The following TOR1A variants were observed in gnomAD, a reference collection of about 807,000 sequenced individuals.
The protein encoded by TOR1A is torsin-1A.
In TOR1A, 18 loss-of-function variants were observed where a neutral mutation model predicts 31.4. That is an observed-to-expected ratio of 0.57 (90% CI 0.40 to 0.85). TOR1A has a LOEUF of 0.85. TOR1A is among the 40% of genes least tolerant of loss of function. TOR1A has a pLI of 0.00. For missense variants in TOR1A, 375 were observed against 416.4 expected, an observed-to-expected ratio of 0.90 and a Z score of 0.87; for synonymous variants, 168 against 165.9, an observed-to-expected ratio of 1.01 and a Z score of -0.10.
In TOR1A at chr9:129,813,657, C is replaced by A; in HGVS notation, c.*315G>T. ...CACATTTTCAATAAAACTTATTCAT[C>A]CTTCCTTGAAACAGAAACACTTGGA... On this transcript the variant is annotated 3_prime_UTR_variant, in exon 5 of 5. Transcript: ENST00000351698. 1 of 451,510 alleles carries A rather than the reference C, an allele frequency of 2.2e-6. No homozygotes were observed. The highest frequency in any genetic ancestry group is 3.8e-5 in the Admixed American group (1 of 26,254). The allele number at this position is 451,510 out of a possible 1,614,324, so 28.0% of individuals were successfully genotyped here.
In TOR1A at chr9:129,824,072, C is replaced by T; in HGVS notation, c.14G>A (p.Arg5Gln). 1 of 1,590,054 alleles carries T rather than the reference C, an allele frequency of 6.3e-7. No individual in the cohort carries two copies. Among genetic ancestry groups the T allele is most frequent in the East Asian group, 2.3e-5 (1 of 43,988 alleles). The part of the protein sequence containing the change: MKLG[R>Q]AVLGLLLLAP... The stretch of plus-strand genomic sequence containing the variant: ...CAGCAGCAGCAGGCCCAGCACGGCC[C>T]GGCCCAGCTTCATGCCCGGACCCGC... The change falls in exon 1 of 5, where the codon CGG becomes CAG. Residue 5 changes from arginine to glutamine, a missense_variant. Transcript: ENST00000351698.
rs775203534 is a variant in TOR1A, at chr9:129,822,497, A to G, written c.444+84T>C. Reference sequence around the variant, plus strand: ...GTTTTCCGGGCTCACTCATTTCAACATAGAACTCCCAAATCTCATCCCACA... The same window carrying G: ...GTTTTCCGGGCTCACTCATTTCAACGTAGAACTCCCAAATCTCATCCCACA... On this transcript the variant is annotated intron_variant, in intron 2 of 4. Coordinates refer to ENST00000351698, the MANE Select transcript of TOR1A (RefSeq NM_000113.3). 1.5e-5 allele frequency: 24 copies of G among 1,575,822 alleles called. No homozygotes were observed. The African/African-American group carries it at 3.0e-4, about 19-fold the overall frequency.
Position 129,813,652 on chromosome 9 carries a change from T to C in TOR1A, c.*320A>G, listed in dbSNP as rs996098338. On this transcript the variant is annotated 3_prime_UTR_variant, in exon 5 of 5. Coordinates refer to ENST00000351698, the MANE Select transcript of TOR1A (RefSeq NM_000113.3). ...GTTACCACATTTTCAATAAAACTTA[T>C]TCATCCTTCCTTGAAACAGAAACAC... 5.2e-5 allele frequency: 23 copies of C among 445,042 alleles called. No homozygotes were observed. Among genetic ancestry groups the C allele is most frequent in the African/African-American group, 3.4e-4 (17 of 50,590 alleles). The allele number at this position is 445,042 out of a possible 1,614,324, so 27.6% of individuals were successfully genotyped here.
chr9:129,823,445 C>T (rs1025041653), intron 1 of TOR1A: 1 of 281,110 alleles, frequency 3.6e-6, no homozygotes, highest in South Asian at 3.5e-5. Context: ...CCAGGCCCGG[C>T]CCTCCTGGGA....
At chr9:129,814,324 G>A (rs879619611) in intron 4 of TOR1A, 102 bp from the exon 5 acceptor site, 43 of 1,564,096 alleles carry the variant, frequency 2.7e-5, no homozygotes, top group Middle Eastern at 2.3e-4. Context: ...TCCCACAAAC[G>A]TCTACTGGGG....
At chr9:129,814,479 G>T (rs956512476) in intron 4 of TOR1A, among the ~76,000 whole-genome samples, 9 of 148,968 alleles carry the variant, frequency 6.0e-5, no homozygotes, top group Non-Finnish European at 1.5e-5. Flanking sequence ...CACATCTACT[G>T]GGTGTCATCC....
chr9:129,822,785 T>TAAGATGATTTTCTTTGC lies in TOR1A; in HGVS notation c.223_239dup (p.Asn81GlnfsTer6), dbSNP rs777890883. The TAAGATGATTTTCTTTGC allele has an allele frequency of 1.2e-6, 2 of 1,614,032 alleles. No homozygotes were observed. Among genetic ancestry groups the TAAGATGATTTTCTTTGC allele is most frequent in the Non-Finnish European group, 1.7e-6 (2 of 1,180,038 alleles). On this transcript the variant is annotated frameshift_variant, in exon 2 of 5. Coordinates refer to ENST00000351698, the MANE Select transcript of TOR1A (RefSeq NM_000113.3). LOFTEE classifies it high-confidence loss of function. Reference sequence around the variant, plus strand: ...TGTTTATGAAACCAAACACGGCATTTAAGATGATTTTCTTTGCAAGATGCT... The same window carrying TAAGATGATTTTCTTTGC: ...TGTTTATGAAACCAAACACGGCATTTAAGATGATTTTCTTTGCAAGATGATTTTCTTTGCAAGATGCT...
chr9:129,823,717 CCCCA>C, intron 1 of TOR1A, 187 bp downstream of exon 1: 1 of 378,988 alleles, frequency 2.6e-6, no homozygotes, highest in Non-Finnish European at 4.7e-6. Context: ...CCAGCCCCAG[CCCCA>C]ACCCGGCCCT....
intron 4 of TOR1A, 63 bp from the exon 5 acceptor site, chr9:129,814,285 T>TG (rs1398670348): frequency 6.2e-7 from 1 of 1,610,640 alleles, no homozygotes. Context: ...AGACGCCTCC[T>TG]GGGGGTCACT....
intron 4 of TOR1A, among the ~76,000 whole-genome samples, chr9:129,815,903 T>C (rs1322763495): frequency 6.6e-6 from 1 of 151,992 alleles, no homozygotes. Flanking sequence ...CCCCCACCGC[T>C]TCCACGCTGG....
chr9:129,820,462 G>A (rs914628399), intron 2 of TOR1A, among the ~76,000 whole-genome samples: 2 of 152,138 alleles, frequency 1.3e-5, no homozygotes, highest in African/African-American at 2.4e-5. Context: ...AACCCATCAC[G>A]GTAGTTACCA....
At chr9:129,815,718 T>C (rs1050075999) in intron 4 of TOR1A, among the ~76,000 whole-genome samples, 1 of 152,214 alleles carries the variant, frequency 6.6e-6, no homozygotes, top group Non-Finnish European at 1.5e-5. Flanking sequence ...CCTGATGCCA[T>C]TGCCCACTGA....
In TOR1A at chr9:129,822,800, T is replaced by C; in HGVS notation, c.225A>G (p.Ala75=). The C allele has an allele frequency of 6.2e-7, 1 of 1,614,208 alleles. No individual in the cohort carries two copies. The highest frequency in any genetic ancestry group is 8.5e-7 in the Non-Finnish European group (1 of 1,180,040). Residue 75 remains alanine (A), a synonymous_variant, in exon 2 of 5, where the codon GCA becomes GCG. Transcript: ENST00000351698. ...ACACGGCATTTAAGATGATTTTCTTTGCAAGATGCTGTCCAAAGAGGTTGT... is the reference window on the plus strand; with the variant it reads ...ACACGGCATTTAAGATGATTTTCTTCGCAAGATGCTGTCCAAAGAGGTTGT... ...LDDNLFGQHL[A]KKIILNAVFG... is the part of the protein sequence containing the mutation.
At chr9:129,822,485 A>G (rs761805848) in intron 2 of TOR1A, 96 bp downstream of exon 2, 19 of 1,528,644 alleles carry the variant, frequency 1.2e-5, no homozygotes, top group Non-Finnish European at 1.6e-5. Flanking sequence ...TTCCGGGCTC[A>G]CTCATTTCAA....
intron 4 of TOR1A, among the ~76,000 whole-genome samples, chr9:129,817,483 G>C (rs192266878): frequency 6.6e-6 from 1 of 150,934 alleles, no homozygotes. Flanking sequence ...GGCGGATCAC[G>C]AGGTCAGGAG....
chr9:129,819,726 C>G (rs1471602120), intron 2 of TOR1A, among the ~76,000 whole-genome samples: 2 of 151,310 alleles, frequency 1.3e-5, no homozygotes. Context: ...CCATTGCACT[C>G]CAGCGTGGCG....
intron 4 of TOR1A, among the ~76,000 whole-genome samples, chr9:129,816,638 GGTCACA>G (rs2031046052): frequency 6.6e-6 from 1 of 152,158 alleles, no homozygotes; most frequent in South Asian, 2.1e-4. Context: ...ATCTGCCTGA[GGTCACA>G]GTCAGTCTGT....
intron 4 of TOR1A, among the ~76,000 whole-genome samples, chr9:129,816,199 C>G (rs1350683342): frequency 6.6e-6 from 1 of 152,190 alleles, no homozygotes; most frequent in African/African-American, 2.4e-5. Context: ...GACGTGCTGT[C>G]CGCACTGGGG....
At chr9:129,816,840 A>G (rs540592730) in intron 4 of TOR1A, among the ~76,000 whole-genome samples, 1 of 152,360 alleles carries the variant, frequency 6.6e-6, no homozygotes, top group African/African-American at 2.4e-5. Flanking sequence ...TTTCCTCAGT[A>G]GTATTCCACT....
Sources: gnomAD v4.1 joint callset for allele counts (sites outside exome capture counted in the v4.1 genomes callset) on GRCh38, gnomAD v4.1.1 for gene constraint, MANE v1.5 for transcripts, NCBI Gene and HGNC (gene_info 2026-07-23, HGNC 2026-07-21) for gene names.